GAS6: variants seen among roughly 807,000 people sequenced by gnomAD.
The protein encoded by GAS6 is growth arrest specific 6, also known as growth arrest-specific protein 6.
Under a neutral mutation model 75.8 loss-of-function variants are expected in GAS6, and 41 were observed. The ratio of observed to expected loss-of-function variants is 0.54; its 90% CI spans 0.42 to 0.70. GAS6 has a LOEUF of 0.70. GAS6 is among the 30% of genes least tolerant of loss of function. The probability of loss-of-function intolerance (pLI) is 0.00; values close to 1 mark genes in which losing one functional copy is unlikely to be tolerated. For missense variants in GAS6, 854 were observed against 940.2 expected (o/e 0.91, Z 1.20); for synonymous variants, 432 against 412.6 (o/e 1.05, Z -0.57).
At chr13:113,838,743 G>T (rs1183997712) in intron 5 of GAS6, among the ~76,000 whole-genome samples, 1 of 146,256 alleles carries the variant, frequency 6.8e-6, no homozygotes, top group African/African-American at 2.5e-5. Flanking sequence ...AAGGAGCCGG[G>T]GGGGTGCACA....
chr13:113,842,344 A>G (rs9577924), intron 4 of GAS6: 101,486 of 375,318 alleles, frequency 0.27, 15,191 homozygotes, highest in South Asian at 0.38. Flanking sequence ...TCAGCAGGTC[A>G]CTATAAACGC....
intron 2 of GAS6, among the ~76,000 whole-genome samples, chr13:113,853,120 C>G (rs1410558182): frequency 6.6e-6 from 1 of 152,234 alleles, no homozygotes; most frequent in Non-Finnish European, 1.5e-5. Context: ...TGGCCAAAAC[C>G]TCCATGCGGT....
At chr13:113,833,568 C>T in intron 8 of GAS6, 1 of 915,572 alleles carries the variant, frequency 1.1e-6, no homozygotes, top group Non-Finnish European at 1.3e-6. Context: ...TGCATTCCTA[C>T]CGGTGTGACA....
rs758890844 is a variant in GAS6 at position 113,820,990 on chromosome 13, G to A, written c.1911C>T (p.Thr637=). 24 of 1,612,518 alleles carry A rather than the reference G, an allele frequency of 1.5e-5. No individual in the cohort carries two copies. The African/African-American group carries it at 1.6e-4, about 11-fold the overall frequency. The stretch of plus-strand genomic sequence containing the variant: ...GTGTCATGCAGCCGCGGTAGAACGC[G>A]GTGACTGGCGCTGAAGTCACCGGCA... ...PDVPVTSAPV[T]AFYRGCMTLE... Residue 637 remains threonine (T), a synonymous_variant, in exon 15 of 15, where the codon ACC becomes ACT. Coordinates refer to ENST00000327773, the MANE Select transcript of GAS6 (RefSeq NM_000820.4).
Position 113,820,581 on chromosome 13 carries a change from A to G in GAS6, c.*283T>C. Reference sequence around the variant, plus strand: ...GCTTTCTGTAAATATTTTATTTTCCATATTTTAGAGTCAGAAAGAAGCGCT... The same window carrying G: ...GCTTTCTGTAAATATTTTATTTTCCGTATTTTAGAGTCAGAAAGAAGCGCT... On this transcript the variant is annotated 3_prime_UTR_variant, in exon 15 of 15. Coordinates refer to ENST00000327773, the MANE Select transcript of GAS6 (RefSeq NM_000820.4). 2.3e-6 allele frequency: 1 copy of G among 430,288 alleles called. No individual in the cohort carries two copies. 26.7% of individuals were successfully genotyped at this position (430,288 alleles called of 1,614,324 possible). A position where few individuals can be genotyped will look rare whatever the true frequency, so the allele number is the denominator to read the frequency against.
At chr13:113,853,663 G>T (rs2051892871) in intron 2 of GAS6, among the ~76,000 whole-genome samples, 1 of 152,154 alleles carries the variant, frequency 6.6e-6, no homozygotes, top group South Asian at 2.1e-4. Context: ...ATTTTCCATG[G>T]GAAATGGTCA....
Position 113,822,064 on chromosome 13 carries a change from G to C in GAS6, c.1776C>G (p.Gly592=). ...RDGEATLEVD[G]TRGQSEVSAA... is the part of the protein sequence containing the mutation. ...CGCTCACCTCGCTCTGGCCCCTGGT[G>C]CCGTCCACCTCCAGGGTGGCCTCAC... The change falls in exon 14 of 15, where the codon GGC becomes GGG. Residue 592 remains glycine (G), a synonymous_variant. Transcript: ENST00000327773. 1 of 1,589,590 alleles carries C rather than the reference G, an allele frequency of 6.3e-7. No individual in the cohort carries two copies. Among genetic ancestry groups the C allele is most frequent in the Non-Finnish European group, 8.5e-7 (1 of 1,170,078 alleles).
chr13:113,833,778 G>A, intron 8 of GAS6: 1 of 1,012,036 alleles, frequency 9.9e-7, no homozygotes, highest in South Asian at 3.4e-5. Context: ...TGAGACACTG[G>A]TGTGACAAGT....
intron 4 of GAS6, chr13:113,840,315 T>C (rs7986549): frequency 0.074 from 12,455 of 169,206 alleles, 619 homozygotes; most frequent in East Asian, 0.14. Flanking sequence ...AGGCCCAGGC[T>C]GCACTGCCAG....
chr13:113,861,756 G>GGAAACA (rs945524474), intron 2 of GAS6, among the ~76,000 whole-genome samples: 30 of 152,284 alleles, frequency 2.0e-4, no homozygotes, highest in Admixed American at 1.4e-3. Context: ...GGCAGGAACC[G>GGAAACA]GAAACAGAAA....
chr13:113,862,503 G>A (rs942586491), intron 2 of GAS6, among the ~76,000 whole-genome samples: 2 of 152,220 alleles, frequency 1.3e-5, no homozygotes, highest in Non-Finnish European at 2.9e-5. Flanking sequence ...AGGCCGGGGA[G>A]AGCGACCAAG....
Position 113,848,205 on chromosome 13 carries a change from C to G in GAS6, c.256-155G>C, listed in dbSNP as rs2051848901. ...CTGAGGGGAAGTGACCGGGGCACGA[C>G]TGCTGTGAGACCAACAAGCAAAGGC... On this transcript the variant is annotated intron_variant, in intron 2 of 14. Transcript: ENST00000327773. This position sits in a 1 kb window ranked among gnomAD's most constrained non-coding sequence, Gnocchi z 4.8. Among the ~76,000 whole-genome samples, 1 of 152,102 alleles carries G rather than the reference C, an allele frequency of 6.6e-6. No individual in the cohort carries two copies. Among genetic ancestry groups the G allele is most frequent in the African/African-American group, 2.4e-5 (1 of 41,420 alleles).
chr13:113,837,904 C>T lies in GAS6; in HGVS notation c.589+165G>A, dbSNP rs905345398. Among the ~76,000 whole-genome samples the T allele has an allele frequency of 2.6e-5, 4 of 152,174 alleles. No homozygotes were observed. Among genetic ancestry groups the T allele is most frequent in the Admixed American group, 2.0e-4 (3 of 15,290 alleles). ...TCCTGGTGTGGTGCCGAGCAGCTCCCTGTGCTGCGGCTGGCCTGGGCTTGT... is the reference window on the plus strand; with the variant it reads ...TCCTGGTGTGGTGCCGAGCAGCTCCTTGTGCTGCGGCTGGCCTGGGCTTGT... On this transcript the variant is annotated intron_variant, in intron 6 of 14. Coordinates refer to ENST00000327773, the MANE Select transcript of GAS6 (RefSeq NM_000820.4). The surrounding 1 kb of genome is among the most constrained non-coding windows in gnomAD (Gnocchi z 5.1).
intron 10 of GAS6, 41 bp from the exon 11 acceptor site, chr13:113,828,752 G>A (rs777240223): frequency 1.6e-5 from 25 of 1,592,120 alleles, no homozygotes; most frequent in Admixed American, 3.4e-5. Flanking sequence ...GGGAGTGCAC[G>A]TTCTGAAGGG....
chr13:113,849,538 G>A (rs1031524830), intron 2 of GAS6, among the ~76,000 whole-genome samples: 1 of 152,172 alleles, frequency 6.6e-6, no homozygotes, highest in Non-Finnish European at 1.5e-5. Flanking sequence ...GTCCTTTCAG[G>A]TTTAGAAGCC....
chr13:113,832,921 G>A (rs1449782823), intron 8 of GAS6, 169 bp from the exon 9 acceptor site: 2 of 1,501,830 alleles, frequency 1.3e-6, no homozygotes, highest in African/African-American at 2.8e-5. Context: ...GCCCCACTGG[G>A]ACTCCCAGGT....
chr13:113,836,943 AG>A (rs1366774715), intron 6 of GAS6, among the ~76,000 whole-genome samples: 5 of 143,522 alleles, frequency 3.5e-5, no homozygotes, highest in Non-Finnish European at 6.1e-5. Context: ...GGGGAGGAGG[AG>A]GAGAGGACGG....
At chr13:113,826,494 CCGGCGCCGGCCTCG>C (rs2051544761) in intron 12 of GAS6, among the ~76,000 whole-genome samples, 2 of 123,156 alleles carry the variant, frequency 1.6e-5, no homozygotes, top group Admixed American at 7.8e-5. Context: ...CCCCGGCCTC[CCGGCGCCGGCCTCG>C]CAGGCACCTT....
At chr13:113,857,886 C>A (rs780346959) in intron 2 of GAS6, among the ~76,000 whole-genome samples, 7 of 152,234 alleles carry the variant, frequency 4.6e-5, no homozygotes, top group Non-Finnish European at 8.8e-5. Flanking sequence ...TGCCTGCAGA[C>A]GCCCGGGTGA....
Sources: allele counts gnomAD v4.1 joint callset (sites outside exome capture counted in the v4.1 genomes callset), GRCh38; gene constraint gnomAD v4.1.1; non-coding constraint Gnocchi (gnomAD v3.1); transcripts MANE v1.5; gene names NCBI Gene and HGNC (gene_info 2026-07-23, HGNC 2026-07-21).